The following DLG2 variants were observed in gnomAD, a reference collection of about 807,000 sequenced individuals.
DLG2 encodes discs large MAGUK scaffold protein 2, also known as disks large homolog 2.
In DLG2, 45 loss-of-function variants were observed where a neutral mutation model predicts 132.5. That is an observed-to-expected ratio of 0.34 (90% CI 0.27 to 0.44). The LOEUF (loss-of-function observed/expected upper bound fraction) is 0.44. DLG2 is among the 20% of genes least tolerant of loss of function. The probability of loss-of-function intolerance (pLI) is 1.00; values close to 1 mark genes in which losing one functional copy is unlikely to be tolerated. For missense variants in DLG2, 1,045 were observed against 1,196.9 expected (o/e 0.87, Z 1.87); for synonymous variants, 424 against 419.6 (o/e 1.01, Z -0.13).
Position 84,626,670 on chromosome 11 carries a change from G to A in DLG2, c.358-91939C>T, listed in dbSNP as rs975354852. 2.0e-3 allele frequency among the ~76,000 whole-genome samples: 306 copies of A among 152,170 alleles called. 1 individual carries two copies. The highest frequency in any genetic ancestry group is 7.2e-3 in the African/African-American group (299 of 41,502). On this transcript the variant is annotated intron_variant, in intron 6 of 27. Transcript: ENST00000376104. ...AATCAGCAACAAGGCTGAAGGTAGG[G>A]AAACACAAAGTTAGCTCTGCACTAG...
At chr11:84,906,291 T>C (rs1170056811) in intron 6 of DLG2, among the ~76,000 whole-genome samples, 1 of 148,024 alleles carries the variant, frequency 6.8e-6, no homozygotes. Context: ...TACACCAAAA[T>C]ACAGCAGGTG....
chr11:84,819,896 C>T lies in DLG2; in HGVS notation c.358-285165G>A, dbSNP rs550480764. 7.3e-5 allele frequency among the ~76,000 whole-genome samples: 11 copies of T among 151,676 alleles called. No homozygotes were observed. The East Asian group carries it at 2.2e-3, about 30-fold the overall frequency. ...TCATTACTGTAGGAGTGAAAGCTCC[C>T]CAGCACATCTGGAGACCTGTCTGGG... On this transcript the variant is annotated intron_variant, in intron 6 of 27. Coordinates refer to ENST00000376104, the MANE Select transcript of DLG2 (RefSeq NM_001142699.3).
intron 14 of DLG2, among the ~76,000 whole-genome samples, chr11:83,958,924 T>C (rs1565810138): frequency 6.6e-6 from 1 of 152,164 alleles, no homozygotes; most frequent in Non-Finnish European, 1.5e-5. Context: ...GCCCTGTGTC[T>C]CTGGCCCAAC....
intron 6 of DLG2, 151 bp from the exon 7 acceptor site, chr11:84,534,882 G>A (rs764694341): frequency 2.2e-5 from 19 of 878,922 alleles, no homozygotes; most frequent in African/African-American, 3.3e-5. Flanking sequence ...CTCTTCTGGC[G>A]GTCACCATAG....
intron 7 of DLG2, among the ~76,000 whole-genome samples, chr11:84,344,314 G>T (rs1300047308): frequency 6.6e-6 from 1 of 152,142 alleles, no homozygotes; most frequent in Non-Finnish European, 1.5e-5. Context: ...TAACATTGGG[G>T]TGATAATAGT....
intron 18 of DLG2, among the ~76,000 whole-genome samples, chr11:83,711,173 C>G (rs2085331542): frequency 6.6e-6 from 1 of 152,152 alleles, no homozygotes; most frequent in Non-Finnish European, 1.5e-5. Flanking sequence ...GCCTTGTGCA[C>G]ACAAAGAGAA....
At chr11:85,543,076 T>G (rs985528102) in intron 3 of DLG2, among the ~76,000 whole-genome samples, 9 of 152,144 alleles carry the variant, frequency 5.9e-5, no homozygotes, top group Admixed American at 3.3e-4. Context: ...CCATGGGGGT[T>G]TGCTGCACCT....
intron 3 of DLG2, among the ~76,000 whole-genome samples, chr11:85,288,374 A>AT (rs1294728226): frequency 6.6e-6 from 1 of 152,108 alleles, no homozygotes; most frequent in African/African-American, 2.4e-5. Flanking sequence ...TCTTTCCCAG[A>AT]TTTTTTTAAT....
intron 15 of DLG2, among the ~76,000 whole-genome samples, chr11:83,915,871 T>C (rs1368932302): frequency 1.3e-5 from 2 of 152,146 alleles, no homozygotes; most frequent in East Asian, 3.9e-4. Flanking sequence ...CCCATACCCA[T>C]GATCAGCATC....
At chr11:83,963,667 T>C (rs1348992013) in intron 13 of DLG2, among the ~76,000 whole-genome samples, 1 of 151,972 alleles carries the variant, frequency 6.6e-6, no homozygotes, top group Non-Finnish European at 1.5e-5. Context: ...TGTTCTCCAT[T>C]GTTGTTATGT....
At chr11:84,922,940 A>G in intron 6 of DLG2, 1 of 1,065,810 alleles carries the variant, frequency 9.4e-7, no homozygotes, top group Non-Finnish European at 1.4e-6. Context: ...CAATAAAACA[A>G]AGCCTTTGCA....
chr11:85,177,278 T>TAA (rs1344389756), intron 4 of DLG2, among the ~76,000 whole-genome samples: 1 of 138,950 alleles, frequency 7.2e-6, no homozygotes, highest in Non-Finnish European at 1.5e-5. Context: ...TATATATATA[T>TAA]ATACATATAC....
chr11:84,008,933 T>G (rs78958964), intron 11 of DLG2, among the ~76,000 whole-genome samples: 1,870 of 150,092 alleles, frequency 0.012, 36 homozygotes, highest in African/African-American at 0.043. Flanking sequence ...GTTTTTTTTT[T>G]TTGTTGTTGT....
chr11:85,150,264 C>A (rs1190016689), intron 5 of DLG2, among the ~76,000 whole-genome samples: 6 of 152,134 alleles, frequency 3.9e-5, no homozygotes, highest in African/African-American at 9.6e-5. Flanking sequence ...TCGTGATCCG[C>A]CCGTCTCAGC....
chr11:84,008,673 C>T (rs2094706528), intron 11 of DLG2, among the ~76,000 whole-genome samples: 1 of 151,860 alleles, frequency 6.6e-6, no homozygotes, highest in Non-Finnish European at 1.5e-5. Context: ...AAAGCTCTGA[C>T]AAGTGAAGTC....
intron 6 of DLG2, among the ~76,000 whole-genome samples, chr11:84,918,720 G>A (rs568963229): frequency 1.3e-5 from 2 of 152,150 alleles, no homozygotes; most frequent in African/African-American, 4.8e-5. Flanking sequence ...AGTGGTTTGC[G>A]ATTGGCAAAT....
At chr11:84,438,486 T>TAA (rs57313257) in intron 7 of DLG2, among the ~76,000 whole-genome samples, 2 of 151,968 alleles carry the variant, frequency 1.3e-5, no homozygotes, top group African/African-American at 4.8e-5. Flanking sequence ...AAATAAAAAA[T>TAA]AAAAAAACCC....
chr11:84,013,945 T>G (rs547588008), intron 11 of DLG2, among the ~76,000 whole-genome samples: 1 of 151,314 alleles, frequency 6.6e-6, no homozygotes, highest in Admixed American at 6.6e-5. Flanking sequence ...ATAACTGTCT[T>G]GACTGGACCT....
intron 18 of DLG2, among the ~76,000 whole-genome samples, chr11:83,684,914 T>G (rs567715521): frequency 6.6e-6 from 1 of 152,264 alleles, no homozygotes; most frequent in Non-Finnish European, 1.5e-5. Flanking sequence ...TTTATACATA[T>G]TCTTTCATAA....
Sources: gnomAD v4.1 joint callset for allele counts (sites outside exome capture counted in the v4.1 genomes callset) on GRCh38, gnomAD v4.1.1 for gene constraint, MANE v1.5 for transcripts, NCBI Gene and HGNC (gene_info 2026-07-23, HGNC 2026-07-21) for gene names.